COL21A1: variants seen among roughly 807,000 people sequenced by gnomAD.
COL21A1 encodes the protein collagen alpha-1(XXI) chain.
COL21A1 carries 149 observed loss-of-function variants against 137.9 expected under a neutral mutation model. That is an observed-to-expected ratio of 1.08 (90% CI 0.95 to 1.24). The LOEUF is 1.24. COL21A1 is among the 50% of genes most tolerant of loss of function. The pLI, the probability that COL21A1 is intolerant of heterozygous loss-of-function variation, is 0.00. For missense variants in COL21A1, 1,167 were observed against 1,158.4 expected, an observed-to-expected ratio of 1.01 and a Z score of -0.11; for synonymous variants, 456 against 391.5, an observed-to-expected ratio of 1.16 and a Z score of -1.95.
At chr6:56,077,619 C>G in intron 17 of COL21A1, 46 bp from the exon 18 acceptor site, 5 of 1,176,700 alleles carry the variant, frequency 4.2e-6, no homozygotes, top group Non-Finnish European at 6.0e-6. Context: ...AAATTGAAGA[C>G]TTTATCATTA....
chr6:56,133,450 A>G (rs1238760151), intron 12 of COL21A1, among the ~76,000 whole-genome samples: 1 of 150,286 alleles, frequency 6.7e-6, no homozygotes, highest in Non-Finnish European at 1.5e-5. Flanking sequence ...CAATTTTATA[A>G]ATGAAGTAGA....
intron 6 of COL21A1, 140 bp downstream of exon 6, chr6:56,167,984 A>AT: frequency 1.9e-6 from 1 of 519,126 alleles, no homozygotes; most frequent in South Asian, 5.2e-5. Context: ...AATTTCACTA[A>AT]TGAACTGACC....
chr6:56,121,622 C>T (rs1772544189), intron 16 of COL21A1, among the ~76,000 whole-genome samples: 1 of 146,928 alleles, frequency 6.8e-6, no homozygotes, highest in Non-Finnish European at 1.5e-5. Flanking sequence ...TGTACAATAC[C>T]AAGAATTAAC....
chr6:56,202,945 CA>C (rs1348583686), intron 1 of COL21A1, among the ~76,000 whole-genome samples: 2 of 152,186 alleles, frequency 1.3e-5, no homozygotes, highest in African/African-American at 4.8e-5. Context: ...AAACAGGCCA[CA>C]GGATTCCATT....
intron 1 of COL21A1, among the ~76,000 whole-genome samples, chr6:56,241,338 A>C (rs1782310672): frequency 6.6e-6 from 1 of 152,200 alleles, no homozygotes; most frequent in Non-Finnish European, 1.5e-5. Context: ...ATTGGCCGGC[A>C]CCTTGAGCTT....
At chr6:56,128,207 T>C (rs1773207510) in intron 12 of COL21A1, among the ~76,000 whole-genome samples, 1 of 152,224 alleles carries the variant, frequency 6.6e-6, no homozygotes, top group African/African-American at 2.4e-5. Context: ...TGATGGAATG[T>C]GTTCTTCAGG....
intron 1 of COL21A1, among the ~76,000 whole-genome samples, chr6:56,211,399 C>G (rs1005173601): frequency 1.3e-5 from 2 of 151,774 alleles, no homozygotes; most frequent in African/African-American, 4.8e-5. Flanking sequence ...TTGTTTTACT[C>G]TTACTTTAAA....
intron 17 of COL21A1, among the ~76,000 whole-genome samples, chr6:56,096,823 C>G (rs1169320308): frequency 6.6e-6 from 1 of 152,010 alleles, no homozygotes; most frequent in Non-Finnish European, 1.5e-5. Flanking sequence ...GTGAATATGC[C>G]CTTTATAGTA....
At chr6:56,179,191 A>G (rs190933750) in intron 3 of COL21A1, among the ~76,000 whole-genome samples, 1 of 152,130 alleles carries the variant, frequency 6.6e-6, no homozygotes, top group East Asian at 1.9e-4. Flanking sequence ...GAAAAAAACT[A>G]GAATGTAAAG....
intron 7 of COL21A1, among the ~76,000 whole-genome samples, chr6:56,165,523 A>G (rs1776505909): frequency 6.6e-6 from 1 of 152,248 alleles, no homozygotes; most frequent in Non-Finnish European, 1.5e-5. Context: ...TGAAGTATGC[A>G]CAATGAATTC....
chr6:56,371,612 C>A (rs1401216512), intron 1 of COL21A1, among the ~76,000 whole-genome samples: 1 of 152,132 alleles, frequency 6.6e-6, no homozygotes, highest in Non-Finnish European at 1.5e-5. Flanking sequence ...AGTAGAGGGG[C>A]CCATCCTCAT....
At position 56,170,718 on chromosome 6, in the gene COL21A1, G is replaced by T. The variant is rs370830439; in HGVS notation, c.957C>A (p.Ile319=). 17 of 1,607,096 alleles carry T rather than the reference G, an allele frequency of 1.1e-5. No homozygotes were observed. The highest frequency in any genetic ancestry group is 1.4e-5 in the Non-Finnish European group (17 of 1,175,870). ...TTACGCTGGTTGTTGTAAATAATAA[G>T]ATTTTGTCCACACCATTTAAGGTAA... The part of the protein sequence containing the change: ...IAVTLNGVDK[I]LLFTTTSVIN... The change falls in exon 5 of 30, where the codon ATC becomes ATA. Residue 319 remains isoleucine, a synonymous_variant. Transcript: ENST00000244728.
Position 56,171,111 on chromosome 6 carries a change from G to A in COL21A1, c.658C>T (p.Arg220Ter), listed in dbSNP as rs202026963. 1.2e-5 allele frequency: 20 copies of A among 1,602,250 alleles called. No homozygotes were observed. Among genetic ancestry groups the A allele is most frequent in the South Asian group, 3.4e-5 (3 of 88,820 alleles). ...TCATCACGAGCTGCCACTGGAATTC[G>A]TGTTGGACAGACAGATTCTATAAAG... is the stretch of plus-strand genomic sequence containing the variant. Reference protein sequence around the residue: ...KLCEESVCPTRIPVAARDERG... With the variant: ...KLCEESVCPT Residue 220 changes from arginine (R) to a stop codon, truncating the protein, a stop_gained, in exon 4 of 30, where the codon CGA (arginine) becomes TGA (stop). Coordinates refer to ENST00000244728, the MANE Select transcript of COL21A1 (RefSeq NM_030820.4). LOFTEE classifies it high-confidence loss of function.
At chr6:56,351,301 A>T (rs1230936834) in intron 1 of COL21A1, among the ~76,000 whole-genome samples, 2 of 152,252 alleles carry the variant, frequency 1.3e-5, no homozygotes, top group African/African-American at 4.8e-5. Flanking sequence ...GCTGAGAGGG[A>T]TACAGAAAAG....
intron 1 of COL21A1, among the ~76,000 whole-genome samples, chr6:56,308,692 A>C (rs1764528409): frequency 6.6e-6 from 1 of 151,590 alleles, no homozygotes; most frequent in Non-Finnish European, 1.5e-5. Flanking sequence ...TATATTGTAC[A>C]TCAAAATTTT....
chr6:56,326,058 T>C (rs1352261318), intron 1 of COL21A1, among the ~76,000 whole-genome samples: 1 of 120,674 alleles, frequency 8.3e-6, no homozygotes, highest in African/African-American at 3.1e-5. Context: ...TATACAAGTA[T>C]TAATATTAAT....
chr6:56,171,951 C>A (rs1158571718), intron 3 of COL21A1, among the ~76,000 whole-genome samples: 1 of 151,010 alleles, frequency 6.6e-6, no homozygotes, highest in African/African-American at 2.4e-5. Context: ...AATAATTGGT[C>A]ATTTGAAATT....
intron 17 of COL21A1, among the ~76,000 whole-genome samples, chr6:56,081,421 T>C (rs1433926403): frequency 1.3e-5 from 2 of 151,826 alleles, no homozygotes; most frequent in African/African-American, 4.8e-5. Context: ...TGATCTTGAT[T>C]ACAGAGTAAT....
At chr6:56,103,573 T>C (rs562963368) in intron 16 of COL21A1, among the ~76,000 whole-genome samples, 37 of 152,294 alleles carry the variant, frequency 2.4e-4, no homozygotes, top group African/African-American at 8.9e-4. Flanking sequence ...TTTCTATCTG[T>C]CCATTGACCT....
Sources: allele counts gnomAD v4.1 joint callset (sites outside exome capture counted in the v4.1 genomes callset), GRCh38; gene constraint gnomAD v4.1.1; transcripts MANE v1.5; gene names NCBI Gene and HGNC (gene_info 2026-07-23, HGNC 2026-07-21).